The following OR9A4 variants were observed in gnomAD, a reference collection of about 807,000 sequenced individuals.
OR9A4 encodes the protein olfactory receptor family 9 subfamily A member 4, also known as olfactory receptor 9A4.
A neutral mutation model predicts 17.1 loss-of-function variants in OR9A4; 16 were observed. That is an observed-to-expected ratio of 0.94 (90% CI 0.64 to 1.43). OR9A4 has a LOEUF of 1.43. OR9A4 is among the 40% of genes most tolerant of loss of function. The pLI, the probability that OR9A4 is intolerant of heterozygous loss-of-function variation, is 0.00. For synonymous variants in OR9A4, 167 were observed against 143.3 expected, an observed-to-expected ratio of 1.17 and a Z score of -1.18; for missense variants, 392 against 382.1, an observed-to-expected ratio of 1.03 and a Z score of -0.22.
rs782372042 is a variant in OR9A4, at chr7:141,919,603, C to A, written c.728C>A (p.Ser243Tyr). ...AGGAAATCCTTCTCCACTTGTGCCT[C>A]CCACTTCACCTGTGTTGTGATTGGC... is the stretch of plus-strand genomic sequence containing the variant. ...GRRKSFSTCA[S>Y]HFTCVVIGYG... is the part of the protein sequence containing the mutation. The change falls in exon 2 of 2, where the codon TCC becomes TAC. Residue 243 changes from serine to tyrosine, a missense_variant. Transcript: ENST00000641559. The A allele has an allele frequency of 2.5e-6, 4 of 1,614,194 alleles. No individual in the cohort carries two copies. The highest frequency in any genetic ancestry group is 3.4e-6 in the Non-Finnish European group (4 of 1,180,034).
At position 141,919,515 on chromosome 7, in the gene OR9A4, A is replaced by G. The variant is rs782593371; in HGVS notation, c.640A>G (p.Thr214Ala). 12 of 1,614,064 alleles carry G rather than the reference A, an allele frequency of 7.4e-6. No individual in the cohort carries two copies. The highest frequency in any genetic ancestry group is 1.1e-5 in the South Asian group (1 of 91,080). ...VFVLFGSLIPTIVSNAYIIST... is the reference protein window; with the variant it reads ...VFVLFGSLIPAIVSNAYIIST... The stretch of plus-strand genomic sequence containing the variant: ...TGTTCTCTTTGGTTCTTTGATCCCT[A>G]CAATTGTCTCCAACGCCTACATCAT... The change falls in exon 2 of 2, where the codon ACA becomes GCA. Residue 214 changes from threonine to alanine, a missense_variant. Coordinates refer to ENST00000641559, the MANE Select transcript of OR9A4 (RefSeq NM_001001656.3).
In OR9A4 at chr7:141,918,973, T is replaced by C; in HGVS notation, c.98T>C (p.Phe33Ser). The change falls in exon 2 of 2, where the codon TTC becomes TCC. Residue 33 changes from phenylalanine to serine, a missense_variant. By Grantham distance (155) the Phe-to-Ser change is radical. Transcript: ENST00000641559. ...ATCCTTTTTGCTATATTCTTCTTTT[T>C]CTACTTGGTGACATTAATGGGAAAC... The part of the protein sequence containing the change: ...HHILFAIFFF[F>S]YLVTLMGNTV... 6.2e-7 allele frequency: 1 copy of C among 1,614,174 alleles called. No homozygotes were observed. The highest frequency in any genetic ancestry group is 1.7e-5 in the Admixed American group (1 of 60,016).
chr7:141,917,680 T>A (rs1460824512), intron 1 of OR9A4, among the ~76,000 whole-genome samples: 1 of 152,170 alleles, frequency 6.6e-6, no homozygotes, highest in Non-Finnish European at 1.5e-5. Flanking sequence ...GGGTGGAGGC[T>A]GTGTTGGGAG....
chr7:141,918,104 A>G (rs1011085162), intron 1 of OR9A4, among the ~76,000 whole-genome samples: 11 of 152,154 alleles, frequency 7.2e-5, no homozygotes, highest in African/African-American at 2.7e-4. Context: ...AAAAGTAACC[A>G]TGCCTGTGTG....
Position 141,919,008 on chromosome 7 carries a change from A to T in OR9A4, c.133A>T (p.Ile45Phe), listed in dbSNP as rs968058592. Reference protein sequence around the residue: ...LVTLMGNTVIIMIVCVDKRLQ... With the variant: ...LVTLMGNTVIFMIVCVDKRLQ... ...GACATTAATGGGAAACACAGTCATC[A>T]TCATGATTGTCTGTGTGGATAAACG... Residue 45 changes from isoleucine (I) to phenylalanine (F), a missense_variant, in exon 2 of 2, where the codon ATC (isoleucine) becomes TTC (phenylalanine). By Grantham distance (21) the Ile-to-Phe change is conservative. Coordinates refer to ENST00000641559, the MANE Select transcript of OR9A4 (RefSeq NM_001001656.3). The T allele has an allele frequency of 2.5e-6, 4 of 1,614,182 alleles. No individual in the cohort carries two copies. Among genetic ancestry groups the T allele is most frequent in the Non-Finnish European group, 3.4e-6 (4 of 1,180,022 alleles).
In OR9A4 at chr7:141,918,949, T is replaced by C. The variant is rs546635139; in HGVS notation, c.74T>C (p.Ile25Thr). 2 of 1,614,026 alleles carry C rather than the reference T, an allele frequency of 1.2e-6. No homozygotes were observed. The highest frequency in any genetic ancestry group is 3.3e-5 in the Admixed American group (2 of 59,996). ...CCTGGCTCTGAAGAACTACATCATA[T>C]CCTTTTTGCTATATTCTTCTTTTTC... ...GFPGSEELHH[I>T]LFAIFFFFYL... The change falls in exon 2 of 2, where the codon ATC becomes ACC. Residue 25 changes from isoleucine to threonine, a missense_variant. Physicochemically the swap from Ile to Thr is moderately conservative, Grantham distance 89. Transcript: ENST00000641559.
chr7:141,919,164 T>A lies in OR9A4; in HGVS notation c.289T>A (p.Cys97Ser). 6.2e-7 allele frequency: 1 copy of A among 1,614,188 alleles called. No individual in the cohort carries two copies. Residue 97 changes from cysteine to serine, a missense_variant, in exon 2 of 2, where the codon TGT becomes AGT. Physicochemically the swap from Cys to Ser is moderately radical, Grantham distance 112. Coordinates refer to ENST00000641559, the MANE Select transcript of OR9A4 (RefSeq NM_001001656.3). Reference protein sequence around the residue: ...PGMQTIYLSACVVQLFLYLAV... With the variant: ...PGMQTIYLSASVVQLFLYLAV... ...GATGCAGACAATATATTTGTCTGCCTGTGTTGTCCAGCTCTTCTTGTACCT... is the reference window on the plus strand; with the variant it reads ...GATGCAGACAATATATTTGTCTGCCAGTGTTGTCCAGCTCTTCTTGTACCT...
At chr7:141,917,252 A>G (rs1802199526) in intron 1 of OR9A4, among the ~76,000 whole-genome samples, 1 of 152,188 alleles carries the variant, frequency 6.6e-6, no homozygotes, top group African/African-American at 2.4e-5. Flanking sequence ...ATTGGTGAGG[A>G]TAATTAGTAT....
chr7:141,919,346 C>G lies in OR9A4; in HGVS notation c.471C>G (p.Ile157Met). ...VSWVFGFLFQ[I>M]WPVYVMFQLT... is the part of the protein sequence containing the mutation. ...GGGTGTTTGGGTTTCTTTTTCAAAT[C>G]TGGCCGGTCTATGTCATGTTTCAGC... The change falls in exon 2 of 2, where the codon ATC becomes ATG. Residue 157 changes from isoleucine to methionine, a missense_variant. Physicochemically the swap from Ile to Met is conservative, Grantham distance 10. Transcript: ENST00000641559. 1 of 1,614,148 alleles carries G rather than the reference C, an allele frequency of 6.2e-7. No homozygotes were observed. Among genetic ancestry groups the G allele is most frequent in the Non-Finnish European group, 8.5e-7 (1 of 1,180,028 alleles).
intron 1 of OR9A4, among the ~76,000 whole-genome samples, chr7:141,918,601 C>T (rs1802223560): frequency 6.6e-6 from 1 of 152,114 alleles, no homozygotes; most frequent in African/African-American, 2.4e-5. Context: ...AGAAAGAGTG[C>T]ATACTAGGGT....
Position 141,920,331 on chromosome 7 carries a change from A to G in OR9A4, c.*511A>G, listed in dbSNP as rs1158143229. ...TCAATAAAGCTTTTGAAAATAGTAT[A>G]TTAGATCATGAAGAAGTATTGTGAA... On this transcript the variant is annotated 3_prime_UTR_variant, in exon 2 of 2. Transcript: ENST00000641559. 2.6e-5 allele frequency: 4 copies of G among 152,388 alleles called. No homozygotes were observed. Among genetic ancestry groups the G allele is most frequent in the Non-Finnish European group, 4.4e-5 (3 of 68,166 alleles). The allele number at this position is 152,388 out of a possible 1,614,324, so 9.4% of individuals were successfully genotyped here. A position where few individuals can be genotyped will look rare whatever the true frequency, so the allele number is the denominator to read the frequency against.
chr7:141,918,419 A>G (rs1802219058), intron 1 of OR9A4, among the ~76,000 whole-genome samples: 1 of 152,196 alleles, frequency 6.6e-6, no homozygotes, highest in South Asian at 2.1e-4. Flanking sequence ...ATACTTTCTT[A>G]TAATTGTTTA....
Position 141,920,599 on chromosome 7 carries a change from G to C in OR9A4, c.*779G>C, listed in dbSNP as rs782407706. On this transcript the variant is annotated 3_prime_UTR_variant, in exon 2 of 2. Coordinates refer to ENST00000641559, the MANE Select transcript of OR9A4 (RefSeq NM_001001656.3). ...GAGTGGTAACTGGAATGCAGACCATGTAGAGCCTTGTGAGCCTTTTTTTTT... is the reference window on the plus strand; with the variant it reads ...GAGTGGTAACTGGAATGCAGACCATCTAGAGCCTTGTGAGCCTTTTTTTTT... The C allele has an allele frequency of 2.0e-5, 3 of 149,346 alleles. No individual in the cohort carries two copies. The highest frequency in any genetic ancestry group is 4.4e-5 in the Non-Finnish European group (3 of 67,488). The allele number at this position is 149,346 out of a possible 1,614,324, so 9.3% of individuals were successfully genotyped here. A position where few individuals can be genotyped will look rare whatever the true frequency, so the allele number is the denominator to read the frequency against.
At position 141,919,492 on chromosome 7, in the gene OR9A4, TTC is replaced by T; in HGVS notation, c.621_622del (p.Phe208TrpfsTer61). On this transcript the variant is annotated frameshift_variant, in exon 2 of 2. Coordinates refer to ENST00000641559, the MANE Select transcript of OR9A4 (RefSeq NM_001001656.3). LOFTEE classifies it high-confidence loss of function. ...ATCCTCTTCTTAATGGCTGTTTTTGTTCTCTTTGGTTCTTTGATCCCTACAAT... is the reference window on the plus strand; with the variant it reads ...ATCCTCTTCTTAATGGCTGTTTTTGTTCTTTGGTTCTTTGATCCCTACAAT... 6.2e-7 allele frequency: 1 copy of T among 1,614,200 alleles called. No individual in the cohort carries two copies. The highest frequency in any genetic ancestry group is 8.5e-7 in the Non-Finnish European group (1 of 1,180,028).
rs782509420 is a variant in OR9A4, at chr7:141,918,938, A to G, written c.63A>G (p.Glu21=). The stretch of plus-strand genomic sequence containing the variant: ...TCCTTGGCTTCCCTGGCTCTGAAGA[A>G]CTACATCATATCCTTTTTGCTATAT... ...FYLLGFPGSE[E]LHHILFAIFF... is the part of the protein sequence containing the mutation. The change falls in exon 2 of 2, where the codon GAA becomes GAG. Residue 21 remains glutamate (E), a synonymous_variant. Transcript: ENST00000641559. 25 of 1,613,998 alleles carry G rather than the reference A, an allele frequency of 1.5e-5. No homozygotes were observed. Among genetic ancestry groups the G allele is most frequent in the Non-Finnish European group, 1.9e-5 (22 of 1,180,010 alleles).
In OR9A4 at chr7:141,920,037, GCTAT is replaced by G. The variant is rs143270548; in HGVS notation, c.*227_*230del. 15,207 of 465,752 alleles carry G rather than the reference GCTAT, an allele frequency of 0.033. 371 individuals carry two copies. The highest frequency in any genetic ancestry group is 0.04 in the Non-Finnish European group (10,659 of 263,490). 28.9% of individuals were successfully genotyped at this position (465,752 alleles called of 1,614,324 possible). A position where few individuals can be genotyped will look rare whatever the true frequency, so the allele number is the denominator to read the frequency against. ...TTTTTAAGACATGTCTTGCTATCTA[GCTAT>G]CTATCTATCATCTGCCTTTCTTAAG... On this transcript the variant is annotated 3_prime_UTR_variant, in exon 2 of 2. Transcript: ENST00000641559.
Position 141,919,841 on chromosome 7 carries a change from C to A in OR9A4, c.*21C>A, listed in dbSNP as rs1554439187. ...ATTAGCCTTGCTCTGAGGACTTTTA[C>A]ATGGTAAAGCACTTAGTATGGATTC... On this transcript the variant is annotated 3_prime_UTR_variant, in exon 2 of 2. Coordinates refer to ENST00000641559, the MANE Select transcript of OR9A4 (RefSeq NM_001001656.3). 6.5e-7 allele frequency: 1 copy of A among 1,543,146 alleles called. No homozygotes were observed.
Position 141,919,803 on chromosome 7 carries a change from C to T in OR9A4, c.928C>T (p.Gln310Ter), listed in dbSNP as rs2128958831. The change falls in exon 2 of 2, where the codon CAA becomes TAA. Residue 310 changes from glutamine to a stop codon, truncating the protein, a stop_gained. Coordinates refer to ENST00000641559, the MANE Select transcript of OR9A4 (RefSeq NM_001001656.3). LOFTEE classifies it high-confidence loss of function. ...TCGGGATGGGGTGAAACGCTGCTGT[C>T]AACTATTCAGGAATTAGCCTTGCTC... ...ALRDGVKRCC[Q>*]LFRN 6.2e-7 allele frequency: 1 copy of T among 1,611,194 alleles called. No homozygotes were observed. Among genetic ancestry groups the T allele is most frequent in the East Asian group, 2.2e-5 (1 of 44,840 alleles).
chr7:141,919,271 C>A lies in OR9A4; in HGVS notation c.396C>A (p.Tyr132Ter). The A allele has an allele frequency of 6.2e-7, 1 of 1,614,122 alleles. No homozygotes were observed. Among genetic ancestry groups the A allele is most frequent in the East Asian group, 2.2e-5 (1 of 44,880 alleles). The change falls in exon 2 of 2, where the codon TAC becomes TAA. Residue 132 changes from tyrosine (Y) to a stop codon, truncating the protein, a stop_gained. Transcript: ENST00000641559. LOFTEE classifies it high-confidence loss of function. ...TGGCTGTCTGTAACCCTCTGAGGTACAACATCATTATGAACAGACACACCT... is the reference window on the plus strand; with the variant it reads ...TGGCTGTCTGTAACCCTCTGAGGTAAAACATCATTATGAACAGACACACCT... ...RYVAVCNPLR[Y>*]NIIMNRHTCN...
Sources: allele counts gnomAD v4.1 joint callset (sites outside exome capture counted in the v4.1 genomes callset), GRCh38; gene constraint gnomAD v4.1.1; transcripts MANE v1.5; gene names NCBI Gene and HGNC (gene_info 2026-07-23, HGNC 2026-07-21).